Variants in ACVR2A observed in about 807,000 individuals in gnomAD.
ACVR2A encodes activin A receptor type 2A.
A neutral mutation model predicts 61.4 loss-of-function variants in ACVR2A; 7 were observed. The ratio of observed to expected loss-of-function variants is 0.11; its 90% CI spans 0.06 to 0.21. ACVR2A has a LOEUF of 0.21. Ranked by LOEUF, ACVR2A falls within the 10% of genes least tolerant of loss-of-function variation. ACVR2A has a pLI of 1.00. For synonymous variants in ACVR2A, 193 were observed against 208.3 expected, an observed-to-expected ratio of 0.93 and a Z score of 0.63; for missense variants, 322 against 621.7, an observed-to-expected ratio of 0.52 and a Z score of 5.13.
intron 2 of ACVR2A, chr2:147,898,300 G>A (rs937622090): frequency 1.3e-5 from 2 of 152,070 alleles, no homozygotes; most frequent in African/African-American, 4.8e-5. Flanking sequence ...TGGAAGAAAA[G>A]AAAATGATAA....
chr2:147,881,661 G>GTGTGTGT (rs1686305711), intron 1 of ACVR2A, among the ~76,000 whole-genome samples: 13 of 128,292 alleles, frequency 1.0e-4, no homozygotes, highest in African/African-American at 3.1e-4. Context: ...GTGTGTGTGT[G>GTGTGTGT]GTTTTTTTTA....
chr2:147,893,799 T>G (rs1243064998), intron 1 of ACVR2A, among the ~76,000 whole-genome samples: 3 of 152,190 alleles, frequency 2.0e-5, no homozygotes, highest in East Asian at 1.9e-4. Context: ...GAAATGTGTT[T>G]TGCAAGTATT....
At chr2:147,913,143 T>C (rs1687158093) in intron 4 of ACVR2A, among the ~76,000 whole-genome samples, 1 of 151,910 alleles carries the variant, frequency 6.6e-6, no homozygotes, top group Non-Finnish European at 1.5e-5. Flanking sequence ...AAAATTAATG[T>C]TATACTAAAA....
intron 1 of ACVR2A, among the ~76,000 whole-genome samples, chr2:147,849,830 A>G (rs1377441902): frequency 6.6e-6 from 1 of 152,218 alleles, no homozygotes; most frequent in Non-Finnish European, 1.5e-5. Context: ...TGGGTCCACC[A>G]GACTCACTGT....
At chr2:147,847,827 G>A (rs976085939) in intron 1 of ACVR2A, among the ~76,000 whole-genome samples, 2 of 152,064 alleles carry the variant, frequency 1.3e-5, no homozygotes, top group Admixed American at 1.3e-4. Context: ...TCTTTTTATA[G>A]CATTGTGGTT....
chr2:147,917,242 G>C (rs760100019), intron 5 of ACVR2A, 41 bp from the exon 6 acceptor site: 12 of 1,594,464 alleles, frequency 7.5e-6, no homozygotes, highest in African/African-American at 1.3e-5. Flanking sequence ...TATTAAACCT[G>C]TATTCCTTGT....
At chr2:147,873,562 T>C (rs975287815) in intron 1 of ACVR2A, among the ~76,000 whole-genome samples, 4 of 151,866 alleles carry the variant, frequency 2.6e-5, no homozygotes, top group Admixed American at 6.6e-5. Context: ...ATTGTGATGA[T>C]GCCAGGAAAT....
At chr2:147,856,781 A>T (rs1685591110) in intron 1 of ACVR2A, among the ~76,000 whole-genome samples, 1 of 152,194 alleles carries the variant, frequency 6.6e-6, no homozygotes, top group South Asian at 2.1e-4. Context: ...GAATGGCCAG[A>T]AAAATGGTTG....
At chr2:147,876,064 C>G (rs993702597) in intron 1 of ACVR2A, among the ~76,000 whole-genome samples, 1 of 152,090 alleles carries the variant, frequency 6.6e-6, no homozygotes, top group Non-Finnish European at 1.5e-5. Context: ...TTAAGAAAAA[C>G]TATTGAGCTT....
intron 1 of ACVR2A, among the ~76,000 whole-genome samples, chr2:147,862,600 C>T (rs780611087): frequency 2.6e-5 from 4 of 151,888 alleles, no homozygotes; most frequent in South Asian, 4.2e-4. Flanking sequence ...GAAAATTAGC[C>T]GGGTGTGGTA....
chr2:147,886,771 CTT>C (rs377359030), intron 1 of ACVR2A, among the ~76,000 whole-genome samples: 15 of 128,382 alleles, frequency 1.2e-4, no homozygotes, highest in East Asian at 2.2e-4. Context: ...CTAGTGGCAT[CTT>C]TTTTTTTTTT....
chr2:147,926,278 C>T, intron 10 of ACVR2A, 117 bp downstream of exon 10: 1 of 1,304,742 alleles, frequency 7.7e-7, no homozygotes, highest in Non-Finnish European at 1.1e-6. Context: ...GTGATCTTCA[C>T]ACAGGATATT....
At chr2:147,870,573 G>A (rs1012974452) in intron 1 of ACVR2A, among the ~76,000 whole-genome samples, 2 of 152,202 alleles carry the variant, frequency 1.3e-5, no homozygotes, top group South Asian at 2.1e-4. Flanking sequence ...TAACCCTTAC[G>A]TCTTCAGGCT....
At chr2:147,908,327 GT>G (rs1339553330) in intron 4 of ACVR2A, among the ~76,000 whole-genome samples, 1 of 152,066 alleles carries the variant, frequency 6.6e-6, no homozygotes, top group Non-Finnish European at 1.5e-5. Flanking sequence ...GCATACCTAC[GT>G]TTTTTTCAGA....
chr2:147,865,835 A>G (rs910595108), intron 1 of ACVR2A, among the ~76,000 whole-genome samples: 8 of 152,326 alleles, frequency 5.3e-5, no homozygotes, highest in South Asian at 2.1e-4. Context: ...TATGCAGCAC[A>G]TGGAATCTAT....
intron 5 of ACVR2A, 116 bp from the exon 6 acceptor site, chr2:147,917,158 AAAATTTTTT>A: frequency 9.4e-7 from 1 of 1,064,752 alleles, no homozygotes; most frequent in Middle Eastern, 3.2e-4. Flanking sequence ...AACAGAACAA[AAAATTTTTT>A]AAGACTTTTT....
intron 1 of ACVR2A, 111 bp downstream of exon 1, chr2:147,845,318 G>C: frequency 2.8e-6 from 2 of 717,200 alleles, no homozygotes; most frequent in South Asian, 2.3e-5. Flanking sequence ...TGGGGAGGTT[G>C]CCCACTCCCT....
At position 147,919,687 on chromosome 2, in the gene ACVR2A, G is replaced by A. The variant is rs570561409; in HGVS notation, c.963-543G>A. Among the ~76,000 whole-genome samples the A allele has an allele frequency of 7.9e-5, 12 of 152,232 alleles. No individual in the cohort carries two copies. The East Asian group carries it at 2.1e-3, about 27-fold the overall frequency. ...ACCCTTTTCAGAACACCAGGATCTA[G>A]CTAGAGCAGTGTATGTTTATGGTAA... On this transcript the variant is annotated intron_variant, in intron 7 of 10. Transcript: ENST00000241416.
intron 1 of ACVR2A, among the ~76,000 whole-genome samples, chr2:147,890,755 T>G (rs551611293): frequency 6.6e-6 from 1 of 152,234 alleles, no homozygotes; most frequent in African/African-American, 2.4e-5. Context: ...GAACTACACC[T>G]TTAAAGTTGT....
Sources: allele counts gnomAD v4.1 joint callset (sites outside exome capture counted in the v4.1 genomes callset), GRCh38; gene constraint gnomAD v4.1.1; transcripts MANE v1.5; gene names NCBI Gene and HGNC (gene_info 2026-07-23, HGNC 2026-07-21).